Variants in FRY observed in about 807,000 individuals in gnomAD.
FRY encodes the protein protein furry homolog.
In FRY, 128 loss-of-function variants were observed where a neutral mutation model predicts 348.4. That is an observed-to-expected ratio of 0.37 (90% CI 0.32 to 0.43). The LOEUF is 0.43. Among genes scored for constraint, FRY ranks in the 20% least tolerant of loss-of-function variants. FRY has a pLI of 1.00. For synonymous variants in FRY, 1,370 were observed against 1,374.7 expected, an observed-to-expected ratio of 1.00 and a Z score of 0.08; for missense variants, 2,736 against 3,695.2, an observed-to-expected ratio of 0.74 and a Z score of 6.73.
At chr13:32,224,505 C>A in intron 37 of FRY, 120 bp downstream of exon 37, 1 of 897,962 alleles carries the variant, frequency 1.1e-6, no homozygotes, top group Non-Finnish European at 1.7e-6. Context: ...TCAGTGGGAT[C>A]CTGCCTGATT....
In FRY at chr13:32,237,340, T is replaced by G. The variant is rs753701382; in HGVS notation, c.5811-39T>G. The G allele has an allele frequency of 1.2e-6, 2 of 1,608,930 alleles. No individual in the cohort carries two copies. Among genetic ancestry groups the G allele is most frequent in the African/African-American group, 2.7e-5 (2 of 74,970 alleles). On this transcript the variant is annotated intron_variant, in intron 43 of 60. Coordinates refer to ENST00000542859, the MANE Select transcript of FRY (RefSeq NM_023037.3). This position sits in a 1 kb window ranked among gnomAD's most constrained non-coding sequence, Gnocchi z 6.3. ...GAAAGGACTGGCTTTTGGTGACACA[T>G]GTTGGCATCCTATTAAACTTATTTA...
rs554149283 is a variant in FRY, at chr13:32,127,621, C to CA, written c.716+2752dup. On this transcript the variant is annotated intron_variant, in intron 7 of 60. Transcript: ENST00000542859. Reference sequence around the variant, plus strand: ...TGAAACCCCGTCTCTACTAAAAATACAAAAAATATTAGCTGGGAGTGGTGG... The same window carrying CA: ...TGAAACCCCGTCTCTACTAAAAATACAAAAAAATATTAGCTGGGAGTGGTGG... 2.6e-5 allele frequency among the ~76,000 whole-genome samples: 4 copies of CA among 151,920 alleles called. No individual in the cohort carries two copies. In the East Asian group the frequency reaches 5.8e-4, roughly 22 times the overall value.
intron 4 of FRY, among the ~76,000 whole-genome samples, chr13:32,117,699 G>A (rs1261097218): frequency 6.6e-6 from 1 of 152,142 alleles, no homozygotes; most frequent in Non-Finnish European, 1.5e-5. Context: ...TTCAACTTTG[G>A]TGGAGACAGG....
intron 31 of FRY, among the ~76,000 whole-genome samples, chr13:32,205,254 T>C (rs1027887538): frequency 6.8e-6 from 1 of 146,232 alleles, no homozygotes; most frequent in African/African-American, 2.5e-5. Flanking sequence ...TGATACAGTA[T>C]AGCAAATGCA....
At chr13:32,167,474 G>A (rs547199923) in intron 17 of FRY, among the ~76,000 whole-genome samples, 8 of 152,160 alleles carry the variant, frequency 5.3e-5, no homozygotes, top group Non-Finnish European at 1.2e-4. Context: ...TGTGTTGTCT[G>A]TCTACAAAAG....
intron 46 of FRY, among the ~76,000 whole-genome samples, chr13:32,242,726 G>T (rs1473953496): frequency 6.6e-6 from 1 of 152,062 alleles, no homozygotes; most frequent in East Asian, 1.9e-4. Context: ...GTAGAGACTG[G>T]GTTTCACTAT....
intron 59 of FRY, among the ~76,000 whole-genome samples, chr13:32,292,215 T>C (rs1889410205): frequency 6.6e-6 from 1 of 152,002 alleles, no homozygotes; most frequent in South Asian, 2.1e-4. Flanking sequence ...ACTCCTGACC[T>C]CAAGTGATCC....
intron 31 of FRY, among the ~76,000 whole-genome samples, chr13:32,208,465 A>T (rs764008961): frequency 6.6e-6 from 1 of 152,222 alleles, no homozygotes; most frequent in Non-Finnish European, 1.5e-5. Flanking sequence ...AGGAGCAGAG[A>T]TGTTAAGTAA....
At position 32,157,307 on chromosome 13, in the gene FRY, T is replaced by C. The variant is rs967984402; in HGVS notation, c.1686T>C (p.Ala562=). 7 of 1,612,978 alleles carry C rather than the reference T, an allele frequency of 4.3e-6. No homozygotes were observed. In the East Asian group the frequency reaches 1.6e-4, roughly 36 times the overall value. ...TATATTACTCTCAAGTACGAAAAGC[T>C]GTAGACAACATTTTAAGGCACCTTG... ...MSLYYSQVRK[A]VDNILRHLDK... The change falls in exon 16 of 61, where the codon GCT becomes GCC. Residue 562 remains alanine (A), a synonymous_variant. Coordinates refer to ENST00000542859, the MANE Select transcript of FRY (RefSeq NM_023037.3).
chr13:32,150,364 G>A (rs2138144105), intron 14 of FRY, among the ~76,000 whole-genome samples: 1 of 152,336 alleles, frequency 6.6e-6, no homozygotes, highest in East Asian at 1.9e-4. Context: ...CTGTGCACAT[G>A]AACAGCACAT....
rs1479421487 is a variant in FRY at position 32,298,332 on chromosome 13, GGTGA to G, written c.*2875_*2878del. On this transcript the variant is annotated 3_prime_UTR_variant, in exon 61 of 61. Coordinates refer to ENST00000542859, the MANE Select transcript of FRY (RefSeq NM_023037.3). ...TAACAACAAAAAATTCGTGTCCATA[GGTGA>G]GTATTAGGGTATGTTCATTGTATCT... The G allele has an allele frequency of 1.3e-5, 2 of 152,144 alleles. No individual in the cohort carries two copies. Among genetic ancestry groups the G allele is most frequent in the Non-Finnish European group, 2.9e-5 (2 of 68,030 alleles). 9.4% of individuals were successfully genotyped at this position (152,144 alleles called of 1,614,324 possible).
At chr13:32,204,575 C>T (rs944890054) in intron 31 of FRY, among the ~76,000 whole-genome samples, 1 of 152,178 alleles carries the variant, frequency 6.6e-6, no homozygotes, top group Admixed American at 6.5e-5. Context: ...TAAATCTTTG[C>T]TTCTGTACAT....
chr13:32,267,208 C>A lies in FRY; in HGVS notation c.7985C>A (p.Ser2662Ter). The A allele has an allele frequency of 6.2e-7, 1 of 1,614,168 alleles. No individual in the cohort carries two copies. The highest frequency in any genetic ancestry group is 8.5e-7 in the Non-Finnish European group (1 of 1,180,026). The change falls in exon 55 of 61, where the codon TCG becomes TAG. Residue 2662 changes from serine to a stop codon, truncating the protein, a stop_gained. Coordinates refer to ENST00000542859, the MANE Select transcript of FRY (RefSeq NM_023037.3). LOFTEE classifies it high-confidence loss of function. ...GACAGGGGAGTCTCTCCCCCTCCCT[C>A]GCCCTTCTTCTCAGCCATCCTTGCC... ...EGDRGVSPPPSPFFSAILAAF... is the reference protein window; with the variant it reads ...EGDRGVSPPP
chr13:32,133,764 C>CTTTTTTTTTTTTTTTTTTTTTTTTTTTTT, intron 8 of FRY, among the ~76,000 whole-genome samples: 1 of 108,484 alleles, frequency 9.2e-6, no homozygotes, highest in Non-Finnish European at 2.0e-5. Flanking sequence ...TTCTTTCTTT[C>CTTTTTTTTTTTTTTTTTTTTTTTTTTTTT]TTTCTTTTTT....
intron 51 of FRY, among the ~76,000 whole-genome samples, chr13:32,258,776 G>C (rs1030063782): frequency 6.8e-6 from 1 of 147,792 alleles, no homozygotes; most frequent in Non-Finnish European, 1.5e-5. Flanking sequence ...GTAAAAGGGG[G>C]TACTAATAAT....
intron 17 of FRY, among the ~76,000 whole-genome samples, chr13:32,170,109 C>T (rs1202479330): frequency 6.6e-6 from 1 of 152,118 alleles, no homozygotes; most frequent in Non-Finnish European, 1.5e-5. Context: ...GCCAGATATC[C>T]CAAGGAGCAA....
chr13:32,124,789 A>G lies in FRY; in HGVS notation c.636-6A>G, dbSNP rs766280059. On this transcript the variant is annotated splice_region_variant and splice_polypyrimidine_tract_variant and intron_variant, in intron 6 of 60. Coordinates refer to ENST00000542859, the MANE Select transcript of FRY (RefSeq NM_023037.3). ...TCCCTAACTTGTCTAATTATACCCT[A>G]CTTAGGTACCTTGGTCCCAACACTG... 1.9e-6 allele frequency: 3 copies of G among 1,604,722 alleles called. No individual in the cohort carries two copies. The highest frequency in any genetic ancestry group is 2.6e-6 in the Non-Finnish European group (3 of 1,171,330).
At chr13:32,122,903 G>A (rs916127207) in intron 4 of FRY, among the ~76,000 whole-genome samples, 17 of 151,980 alleles carry the variant, frequency 1.1e-4, no homozygotes, top group East Asian at 3.9e-4. Flanking sequence ...ACGACTAAGC[G>A]GAGAATCAAA....
At chr13:32,262,228 G>A (rs574635183) in intron 52 of FRY, 86 bp from the exon 53 acceptor site, 40 of 1,052,520 alleles carry the variant, frequency 3.8e-5, no homozygotes, top group Non-Finnish European at 5.4e-5. Context: ...AAATTAAGAC[G>A]TATTAACCAA....
Sources: allele counts gnomAD v4.1 joint callset (sites outside exome capture counted in the v4.1 genomes callset), GRCh38; gene constraint gnomAD v4.1.1; non-coding constraint Gnocchi (gnomAD v3.1); transcripts MANE v1.5; gene names NCBI Gene and HGNC (gene_info 2026-07-23, HGNC 2026-07-21).